The following TIE1 variants were observed in gnomAD, a reference collection of about 807,000 sequenced individuals.
The protein encoded by TIE1 is tyrosine-protein kinase receptor Tie-1.
Under a neutral mutation model 130.5 loss-of-function variants are expected in TIE1, and 89 were observed. That is an observed-to-expected ratio of 0.68 (90% CI 0.57 to 0.81). The LOEUF (loss-of-function observed/expected upper bound fraction) is 0.81, where lower values mean the gene tolerates loss of function less well. Ranked by LOEUF, TIE1 falls within the 40% of genes least tolerant of loss-of-function variation. The pLI, the probability that TIE1 is intolerant of heterozygous loss-of-function variation, is 0.00. For missense variants in TIE1, 1,392 were observed against 1,559.8 expected (o/e 0.89, Z 1.81); for synonymous variants, 568 against 629.4 (o/e 0.90, Z 1.46).
chr1:43,312,002 A>G lies in TIE1; in HGVS notation c.1501A>G (p.Ser501Gly). 6.3e-7 allele frequency: 1 copy of G among 1,591,378 alleles called. No individual in the cohort carries two copies. ...TTACACCCCACGCCCAGTGGACCCC[A>G]GTGAGAACGTGACGTTAATGAACCT... ...MDWSTIVVDP[S>G]ENVTLMNLRP... Residue 501 changes from serine (S) to glycine (G), a missense_variant, in exon 11 of 23, where the codon AGT (serine) becomes GGT (glycine). Physicochemically the swap from Ser to Gly is moderately conservative, Grantham distance 56 (BLOSUM62 0). Around this residue, in one of 6 missense-constraint regions of TIE1, gnomAD observed 551 missense variants for 565.5 expected, o/e 0.97. Transcript: ENST00000372476. This position sits in a 1 kb window ranked among gnomAD's most constrained non-coding sequence, Gnocchi z 5.6.
At position 43,317,513 on chromosome 1, in the gene TIE1, C is replaced by T. The variant is rs1236716883; in HGVS notation, c.2621-51C>T. On this transcript the variant is annotated intron_variant, in intron 15 of 22. Transcript: ENST00000372476. This position sits in a 1 kb window ranked among gnomAD's most constrained non-coding sequence, Gnocchi z 5.1. ...AGCAATTGACCCCAGCCCTTGCCAG[C>T]CCTTTCTCCAGAGTTATTTCTGGCA... is the stretch of plus-strand genomic sequence containing the variant. The T allele has an allele frequency of 6.2e-7, 1 of 1,606,948 alleles. No homozygotes were observed. Among genetic ancestry groups the T allele is most frequent in the African/African-American group, 1.3e-5 (1 of 74,768 alleles).
chr1:43,322,839 T>A lies in TIE1; in HGVS notation c.*117T>A. 1.0e-6 allele frequency: 1 copy of A among 964,046 alleles called. No individual in the cohort carries two copies. The highest frequency in any genetic ancestry group is 1.6e-6 in the Non-Finnish European group (1 of 643,426). 59.7% of individuals were successfully genotyped at this position (964,046 alleles called of 1,614,324 possible). A position where few individuals can be genotyped will look rare whatever the true frequency, so the allele number is the denominator to read the frequency against. On this transcript the variant is annotated 3_prime_UTR_variant, in exon 23 of 23. Transcript: ENST00000372476. The surrounding 1 kb of genome is among the most constrained non-coding windows in gnomAD (Gnocchi z 4.0). Reference sequence around the variant, plus strand: ...AGCTGCCTCAAGGAATTTTTTTAACTTAAGGGAGAAAAAAAGGGATCTGGG... The same window carrying A: ...AGCTGCCTCAAGGAATTTTTTTAACATAAGGGAGAAAAAAAGGGATCTGGG...
chr1:43,310,061 C>T (rs1646772864), intron 9 of TIE1, among the ~76,000 whole-genome samples: 1 of 152,158 alleles, frequency 6.6e-6, no homozygotes, highest in South Asian at 2.1e-4. Context: ...AGGCCTCCTT[C>T]GCCTTCTCCA....
chr1:43,313,238 C>T lies in TIE1; in HGVS notation c.2031C>T (p.Tyr677=), dbSNP rs1179743788. The part of the protein sequence containing the change: ...PEALPGPISK[Y]VVEVQVAGGA... The stretch of plus-strand genomic sequence containing the variant: ...CTCTGCCTGGGCCAATATCCAAGTA[C>T]GTTGTGGAGGTGCAGGTGGCTGGGG... The change falls in exon 13 of 23, where the codon TAC becomes TAT. Residue 677 remains tyrosine, a synonymous_variant. Coordinates refer to ENST00000372476, the MANE Select transcript of TIE1 (RefSeq NM_005424.5). The surrounding 1 kb of genome is among the most constrained non-coding windows in gnomAD (Gnocchi z 6.2). 1.4e-5 allele frequency: 22 copies of T among 1,613,886 alleles called. No individual in the cohort carries two copies. The highest frequency in any genetic ancestry group is 1.6e-4 in the Middle Eastern group (1 of 6,078).
Position 43,317,695 on chromosome 1 carries a change from C to T in TIE1, c.2731+21C>T, listed in dbSNP as rs1646872753. Reference sequence around the variant, plus strand: ...CCGAGGTGAGCCCCCAGCTCATCACCTACCCCTTCTTCCAAACCCCCATCC... The same window carrying T: ...CCGAGGTGAGCCCCCAGCTCATCACTTACCCCTTCTTCCAAACCCCCATCC... On this transcript the variant is annotated intron_variant, in intron 16 of 22. Transcript: ENST00000372476. This position sits in a 1 kb window ranked among gnomAD's most constrained non-coding sequence, Gnocchi z 5.1. 1.3e-6 allele frequency: 2 copies of T among 1,548,744 alleles called. No individual in the cohort carries two copies. The highest frequency in any genetic ancestry group is 4.5e-5 in the East Asian group (2 of 44,362).
rs1238995412 is a variant in TIE1 at position 43,306,878 on chromosome 1, G to T, written c.523G>T (p.Asp175Tyr). ...CACCCTGGACTGGCATGAAGCCCAGGATGGGCGGTTCCTGCTGCAGCTCCC... is the reference window on the plus strand; with the variant it reads ...CACCCTGGACTGGCATGAAGCCCAGTATGGGCGGTTCCTGCTGCAGCTCCC... The part of the protein sequence containing the change: ...FYTLDWHEAQ[D>Y]GRFLLQLPNV... Residue 175 changes from aspartate to tyrosine, a missense_variant, in exon 4 of 23, where the codon GAT (aspartate) becomes TAT (tyrosine). Asp to Tyr is a radical substitution (Grantham distance 160, BLOSUM62 -3). Coordinates refer to ENST00000372476, the MANE Select transcript of TIE1 (RefSeq NM_005424.5). This position sits in a 1 kb window ranked among gnomAD's most constrained non-coding sequence, Gnocchi z 4.9. The T allele has an allele frequency of 6.2e-7, 1 of 1,613,826 alleles. No homozygotes were observed. Among genetic ancestry groups the T allele is most frequent in the Non-Finnish European group, 8.5e-7 (1 of 1,179,982 alleles).
intron 9 of TIE1, among the ~76,000 whole-genome samples, chr1:43,311,458 C>T (rs1646789626): frequency 6.6e-6 from 1 of 152,046 alleles, no homozygotes; most frequent in African/African-American, 2.4e-5. Flanking sequence ...CCTCATCTAC[C>T]ATCTTTTGGG....
At position 43,304,859 on chromosome 1, in the gene TIE1, G is replaced by A; in HGVS notation, c.67G>A (p.Val23Met). ...LFLASHVGAA[V>M]DLTLLANLRL... Reference sequence around the variant, plus strand: ...TGGTGTCCTGGCCCCAGGCGCGGCGGTGGACCTGACGCTGCTGGCCAACCT... The same window carrying A: ...TGGTGTCCTGGCCCCAGGCGCGGCGATGGACCTGACGCTGCTGGCCAACCT... Residue 23 changes from valine to methionine, a missense_variant, in exon 2 of 23, where the codon GTG (valine) becomes ATG (methionine). By Grantham distance (21) the Val-to-Met change is conservative. Around this residue, in one of 6 missense-constraint regions of TIE1, gnomAD observed 415 missense variants for 424.8 expected, o/e 0.98. Transcript: ENST00000372476. 2.8e-6 allele frequency: 4 copies of A among 1,420,738 alleles called. No individual in the cohort carries two copies. In the South Asian group the frequency reaches 4.5e-5, roughly 16 times the overall value. The allele number at this position is 1,420,738 out of a possible 1,614,324, so 88.0% of individuals were successfully genotyped here. A position where few individuals can be genotyped will look rare whatever the true frequency, so the allele number is the denominator to read the frequency against.
At position 43,319,574 on chromosome 1, in the gene TIE1, A is replaced by T; in HGVS notation, c.3107+45A>T. 6.3e-7 allele frequency: 1 copy of T among 1,587,706 alleles called. No homozygotes were observed. Among genetic ancestry groups the T allele is most frequent in the Non-Finnish European group, 8.6e-7 (1 of 1,156,134 alleles). The stretch of plus-strand genomic sequence containing the variant: ...GCACAGGAGGGCTTGGCCCCCAAGA[A>T]TCACCCAGGCCTGACCTAGACATAT... On this transcript the variant is annotated intron_variant, in intron 19 of 22. Transcript: ENST00000372476. The surrounding 1 kb of genome is among the most constrained non-coding windows in gnomAD (Gnocchi z 4.7).
In TIE1 at chr1:43,307,259, C is replaced by G; in HGVS notation, c.758C>G (p.Thr253Ser). Reference protein sequence around the residue: ...ECVCPPGFTGTRCEQACREGR... With the variant: ...ECVCPPGFTGSRCEQACREGR... Reference sequence around the variant, plus strand: ...GTATGCCCCCCTGGCTTCACTGGCACCCGCTGTGAACAGGGTAAGGAGGAG... The same window carrying G: ...GTATGCCCCCCTGGCTTCACTGGCAGCCGCTGTGAACAGGGTAAGGAGGAG... Residue 253 changes from threonine to serine, a missense_variant, in exon 5 of 23, where the codon ACC becomes AGC. This residue lies in a region of TIE1 where 415 missense variants were observed against 424.8 expected (regional missense o/e 0.98). Coordinates refer to ENST00000372476, the MANE Select transcript of TIE1 (RefSeq NM_005424.5). This position sits in a 1 kb window ranked among gnomAD's most constrained non-coding sequence, Gnocchi z 5.4. 6.2e-7 allele frequency: 1 copy of G among 1,614,120 alleles called. No homozygotes were observed. The highest frequency in any genetic ancestry group is 8.5e-7 in the Non-Finnish European group (1 of 1,180,008).
At chr1:43,302,675 G>T (rs188970594) in intron 1 of TIE1, among the ~76,000 whole-genome samples, 3 of 152,144 alleles carry the variant, frequency 2.0e-5, no homozygotes, top group African/African-American at 7.2e-5. Context: ...GGAGCATCAC[G>T]GGGCTTAGGA....
chr1:43,313,715 AT>A lies in TIE1; in HGVS notation c.2219-62del. The stretch of plus-strand genomic sequence containing the variant: ...TTCACCTCTCCCTCTGTGTAACCCC[AT>A]GGTGGCCTCTGGGTTCCCTGACCCA... On this transcript the variant is annotated intron_variant, in intron 13 of 22. Transcript: ENST00000372476. This position sits in a 1 kb window ranked among gnomAD's most constrained non-coding sequence, Gnocchi z 6.2. The A allele has an allele frequency of 6.6e-7, 1 of 1,515,226 alleles. No homozygotes were observed. The allele number at this position is 1,515,226 out of a possible 1,614,324, so 93.9% of individuals were successfully genotyped here.
chr1:43,321,434 T>G lies in TIE1; in HGVS notation c.3187T>G (p.Tyr1063Asp), dbSNP rs1355941557. The change falls in exon 21 of 23, where the codon TAT (tyrosine) becomes GAT (aspartate). Residue 1063 changes from tyrosine to aspartate, a missense_variant. Tyr to Asp is a radical substitution (Grantham distance 160). Transcript: ENST00000372476. ...PYCGMTCAEL[Y>D]EKLPQGYRME... ...CTGTGGCATGACCTGTGCCGAGCTCTATGAAAAGCTGCCCCAGGGCTACCG... is the reference window on the plus strand; with the variant it reads ...CTGTGGCATGACCTGTGCCGAGCTCGATGAAAAGCTGCCCCAGGGCTACCG... 1 of 1,614,032 alleles carries G rather than the reference T, an allele frequency of 6.2e-7. No homozygotes were observed. The highest frequency in any genetic ancestry group is 8.5e-7 in the Non-Finnish European group (1 of 1,179,982).
chr1:43,304,394 G>GT (rs1646701569), intron 1 of TIE1, among the ~76,000 whole-genome samples: 2 of 152,248 alleles, frequency 1.3e-5, no homozygotes, highest in African/African-American at 2.4e-5. Context: ...CACTCTCGTG[G>GT]TGGAGGCAGG....
chr1:43,321,312 G>A lies in TIE1; in HGVS notation c.3148+3G>A, dbSNP rs1646917054. 2 of 1,613,980 alleles carry A rather than the reference G, an allele frequency of 1.2e-6. No individual in the cohort carries two copies. Among genetic ancestry groups the A allele is most frequent in the African/African-American group, 2.7e-5 (2 of 74,880 alleles). ...TCTTTGGGAGATAGTGAGCCTTGGT[G>A]AGTTCCTGATCCCCGTCCCCCAGAG... On this transcript the variant is annotated splice_donor_region_variant and intron_variant, in intron 20 of 22. Transcript: ENST00000372476.
At chr1:43,304,301 C>A (rs1445838713) in intron 1 of TIE1, among the ~76,000 whole-genome samples, 2 of 152,204 alleles carry the variant, frequency 1.3e-5, no homozygotes, top group Non-Finnish European at 2.9e-5. Flanking sequence ...CAAATCCCAG[C>A]CCACCAGACA....
chr1:43,317,136 G>A lies in TIE1; in HGVS notation c.2410-63G>A. 4 of 1,553,068 alleles carry A rather than the reference G, an allele frequency of 2.6e-6. No homozygotes were observed. Among genetic ancestry groups the A allele is most frequent in the Non-Finnish European group, 3.5e-6 (4 of 1,127,224 alleles). On this transcript the variant is annotated intron_variant, in intron 14 of 22. Transcript: ENST00000372476. The surrounding 1 kb of genome is among the most constrained non-coding windows in gnomAD (Gnocchi z 5.1). ...GAAACCTCCTCGTGTGCCTGTCTGTGCCTCCTTCCGCCCCCTTTGACTCTT... is the reference window on the plus strand; with the variant it reads ...GAAACCTCCTCGTGTGCCTGTCTGTACCTCCTTCCGCCCCCTTTGACTCTT...
chr1:43,309,192 C>T lies in TIE1; in HGVS notation c.1188+61C>T. 1 of 1,538,902 alleles carries T rather than the reference C, an allele frequency of 6.5e-7. No homozygotes were observed. Among genetic ancestry groups the T allele is most frequent in the Non-Finnish European group, 8.8e-7 (1 of 1,141,514 alleles). ...AGGCCGCCTGCTTCACAGCTGATCC[C>T]TAAGACCCCCTAGTCCCTCAGAACT... is the stretch of plus-strand genomic sequence containing the variant. On this transcript the variant is annotated intron_variant, in intron 8 of 22. Transcript: ENST00000372476. The surrounding 1 kb of genome is among the most constrained non-coding windows in gnomAD (Gnocchi z 6.3).
In TIE1 at chr1:43,321,772, C is replaced by T. The variant is rs554529274; in HGVS notation, c.3345+57C>T. ...GGCTCACAGAGTGCTCCAGAGTGCC[C>T]TCTCAGAGGTGCCATGACCCCTGTC... On this transcript the variant is annotated intron_variant, in intron 22 of 22. Coordinates refer to ENST00000372476, the MANE Select transcript of TIE1 (RefSeq NM_005424.5). 4.7e-6 allele frequency: 7 copies of T among 1,498,660 alleles called. No individual in the cohort carries two copies. The South Asian group carries it at 6.0e-5, about 13-fold the overall frequency. 92.8% of individuals were successfully genotyped at this position (1,498,660 alleles called of 1,614,324 possible).
Sources: gnomAD v4.1 joint callset for allele counts (sites outside exome capture counted in the v4.1 genomes callset) on GRCh38, gnomAD v4.1.1 for gene constraint, gnomAD v4.1.1 regional missense constraint, Gnocchi (gnomAD v3.1) non-coding constraint, MANE v1.5 for transcripts, NCBI Gene and HGNC (gene_info 2026-07-23, HGNC 2026-07-21) for gene names.